The following KCNU1 variants were observed in gnomAD, a reference collection of about 807,000 sequenced individuals.
KCNU1 encodes the protein potassium channel subfamily U member 1.
Under a neutral mutation model 126.8 loss-of-function variants are expected in KCNU1, and 93 were observed. That is an observed-to-expected ratio of 0.73 (90% CI 0.62 to 0.87). KCNU1 has a LOEUF of 0.87. Ranked by LOEUF, KCNU1 falls within the 40% of genes least tolerant of loss-of-function variation. The pLI is 0.00. For synonymous variants in KCNU1, 523 were observed against 494.2 expected (o/e 1.06, Z -0.77); for missense variants, 1,330 against 1,367.1 (o/e 0.97, Z 0.43).
intron 19 of KCNU1, among the ~76,000 whole-genome samples, chr8:36,866,744 A>T (rs1206389031): frequency 6.6e-6 from 1 of 152,134 alleles, no homozygotes; most frequent in East Asian, 1.9e-4. Context: ...TGGGTGAACA[A>T]GATGGATTCA....
At position 36,807,435 on chromosome 8, in the gene KCNU1, G is replaced by A. The variant is rs980395094; in HGVS notation, c.641G>A (p.Arg214Gln). 6 of 1,612,388 alleles carry A rather than the reference G, an allele frequency of 3.7e-6. No individual in the cohort carries two copies. Among genetic ancestry groups the A allele is most frequent in the Non-Finnish European group, 4.2e-6 (5 of 1,178,648 alleles). The change falls in exon 6 of 27, where the codon CGA (arginine) becomes CAA (glutamine). Residue 214 changes from arginine (R) to glutamine (Q), a missense_variant. By Grantham distance (43) the Arg-to-Gln change is conservative (BLOSUM62 1). This residue lies in a region of KCNU1 where 247 missense variants were observed against 255.4 expected (regional missense o/e 0.97). Coordinates refer to ENST00000399881, the MANE Select transcript of KCNU1 (RefSeq NM_001031836.3). ...CTCCCTCAAATCTTGCAAATTCTAC[G>A]AGCCATCAAGACCAGGTAAATAGCC... Reference protein sequence around the residue: ...LELPQILQILRAIKTSNSVKF... With the variant: ...LELPQILQILQAIKTSNSVKF...
chr8:36,874,028 C>T (rs977086145), intron 19 of KCNU1, among the ~76,000 whole-genome samples: 5 of 152,058 alleles, frequency 3.3e-5, no homozygotes, highest in African/African-American at 7.2e-5. Flanking sequence ...GTTTCCATAC[C>T]GTGGGATTAC....
rs758427602 is a variant in KCNU1 at position 36,922,669 on chromosome 8, C to T, written c.2736+40C>T. 2.5e-6 allele frequency: 4 copies of T among 1,598,874 alleles called. No individual in the cohort carries two copies. In the African/African-American group the frequency reaches 5.4e-5, roughly 22 times the overall value. ...GCCATGGAGCCCCCAAAACCAAGCC[C>T]TCTGCAGAGAAGTGAACAGGTAGTA... On this transcript the variant is annotated intron_variant, in intron 24 of 26. Coordinates refer to ENST00000399881, the MANE Select transcript of KCNU1 (RefSeq NM_001031836.3).
intron 2 of KCNU1, among the ~76,000 whole-genome samples, chr8:36,790,293 G>C (rs1356176964): frequency 6.6e-6 from 1 of 151,956 alleles, no homozygotes; most frequent in Non-Finnish European, 1.5e-5. Flanking sequence ...ACATTAAAAA[G>C]TTATTTTGAT....
At chr8:36,797,112 C>T (rs984428359) in intron 2 of KCNU1, among the ~76,000 whole-genome samples, 4 of 152,100 alleles carry the variant, frequency 2.6e-5, no homozygotes, top group Admixed American at 1.3e-4. Context: ...TTCAAACACT[C>T]GCGCCTCCAC....
chr8:36,912,218 A>T (rs1370272202), intron 22 of KCNU1, among the ~76,000 whole-genome samples: 2 of 152,204 alleles, frequency 1.3e-5, no homozygotes, highest in Non-Finnish European at 2.9e-5. Context: ...GGCTGTCGAT[A>T]ACAATGTTCG....
intron 18 of KCNU1, among the ~76,000 whole-genome samples, chr8:36,858,292 A>AT (rs781074473): frequency 2.6e-4 from 39 of 150,914 alleles, no homozygotes; most frequent in East Asian, 5.9e-4. Context: ...GAATCTGAAG[A>AT]TTATTTTTTT....
At chr8:36,802,108 CAA>C (rs749026223) in intron 2 of KCNU1, among the ~76,000 whole-genome samples, 1,196 of 72,232 alleles carry the variant, frequency 0.017, 8 homozygotes, top group African/African-American at 0.049. Flanking sequence ...AACTCCGTCT[CAA>C]AAAAAAAAAA....
At chr8:36,839,639 C>T (rs1892620) in intron 14 of KCNU1, among the ~76,000 whole-genome samples, 1 of 152,278 alleles carries the variant, frequency 6.6e-6, no homozygotes, top group Admixed American at 6.5e-5. Flanking sequence ...TGCATCACGA[C>T]CATCTGAAGA....
chr8:36,883,643 T>G (rs1350557134), intron 19 of KCNU1, among the ~76,000 whole-genome samples: 1 of 152,006 alleles, frequency 6.6e-6, no homozygotes, highest in Non-Finnish European at 1.5e-5. Flanking sequence ...CCACAAAAAT[T>G]AGCCAGGTGT....
intron 2 of KCNU1, among the ~76,000 whole-genome samples, chr8:36,794,187 C>T (rs572669228): frequency 1.0e-3 from 157 of 151,818 alleles, no homozygotes; most frequent in Middle Eastern, 0.01. Flanking sequence ...ACAACTTTGT[C>T]TCCTTGATGG....
chr8:36,834,082 A>G (rs147543109), intron 11 of KCNU1, among the ~76,000 whole-genome samples: 325 of 152,312 alleles, frequency 2.1e-3, no homozygotes, highest in African/African-American at 7.5e-3. Context: ...CCAATAGGAA[A>G]AACATAAAGG....
At chr8:36,924,591 C>A (rs1808474573) in intron 24 of KCNU1, among the ~76,000 whole-genome samples, 2 of 152,154 alleles carry the variant, frequency 1.3e-5, no homozygotes, top group Admixed American at 6.5e-5. Flanking sequence ...TTAAGCAGCT[C>A]AGCCTTCACT....
At chr8:36,809,671 T>G (rs1207464521) in intron 7 of KCNU1, among the ~76,000 whole-genome samples, 1 of 152,140 alleles carries the variant, frequency 6.6e-6, no homozygotes, top group Non-Finnish European at 1.5e-5. Flanking sequence ...GATTCCTAGA[T>G]TTAGAGAATT....
chr8:36,820,983 A>C (rs1376497324), intron 10 of KCNU1, among the ~76,000 whole-genome samples: 3 of 152,222 alleles, frequency 2.0e-5, no homozygotes. Context: ...CATGAACCTG[A>C]ATTAGGTTTA....
chr8:36,827,510 C>G (rs1442985539), intron 10 of KCNU1, among the ~76,000 whole-genome samples: 18 of 152,124 alleles, frequency 1.2e-4, no homozygotes, highest in Admixed American at 1.2e-3. Flanking sequence ...ATTGATTTCT[C>G]TCAGGTTTTG....
chr8:36,840,720 T>C, intron 15 of KCNU1, 145 bp downstream of exon 15: 1 of 686,568 alleles, frequency 1.5e-6, no homozygotes, highest in Non-Finnish European at 2.5e-6. Context: ...CTTAGAAGTT[T>C]ACAGTTGGGA....
rs556802356 is a variant in KCNU1, at chr8:36,906,411, G to A, written c.2106+607G>A. Among the ~76,000 whole-genome samples, 44 of 152,144 alleles carry A rather than the reference G, an allele frequency of 2.9e-4. 2 individuals carry two copies. The highest frequency in any genetic ancestry group is 1.1e-3 in the African/African-American group (44 of 41,516). ...ACTAACTCAACTCACAGAAATGCCT[G>A]CAACTAAGATGGAAAAAGTCTTGTA... is the stretch of plus-strand genomic sequence containing the variant. On this transcript the variant is annotated intron_variant, in intron 20 of 26. Transcript: ENST00000399881.
intron 19 of KCNU1, among the ~76,000 whole-genome samples, chr8:36,889,667 G>C (rs1806877445): frequency 2.0e-5 from 3 of 151,928 alleles, no homozygotes; most frequent in Admixed American, 2.0e-4. Flanking sequence ...ATGCATAACT[G>C]GAATATGAGG....
Sources: gnomAD v4.1 joint callset for allele counts (sites outside exome capture counted in the v4.1 genomes callset) on GRCh38, gnomAD v4.1.1 for gene constraint, gnomAD v4.1.1 regional missense constraint, MANE v1.5 for transcripts, NCBI Gene and HGNC (gene_info 2026-07-23, HGNC 2026-07-21) for gene names.